The following LAMA2 variants were observed in gnomAD, a reference collection of about 807,000 sequenced individuals.
The protein encoded by LAMA2 is laminin subunit alpha 2.
In LAMA2, 269 loss-of-function variants were observed where a neutral mutation model predicts 364.8. The ratio of observed to expected loss-of-function variants is 0.74; its 90% CI spans 0.67 to 0.82. The LOEUF (loss-of-function observed/expected upper bound fraction) is 0.82. Among genes scored for constraint, LAMA2 ranks in the 40% least tolerant of loss-of-function variants. The pLI, the probability that LAMA2 is intolerant of heterozygous loss-of-function variation, is 0.00. For synonymous variants in LAMA2, 1,379 were observed against 1,370.6 expected (o/e 1.01, Z -0.14); for missense variants, 3,807 against 3,873.2 (o/e 0.98, Z 0.45).
At chr6:129,326,180 G>T (rs1583498734) in intron 28 of LAMA2, among the ~76,000 whole-genome samples, 1 of 152,110 alleles carries the variant, frequency 6.6e-6, no homozygotes, top group East Asian at 1.9e-4. Flanking sequence ...ACACAACAGA[G>T]AATAAGGAGC....
intron 33 of LAMA2, among the ~76,000 whole-genome samples, chr6:129,367,054 G>A (rs1003955300): frequency 6.6e-6 from 1 of 152,206 alleles, no homozygotes; most frequent in Non-Finnish European, 1.5e-5. Context: ...TCATCAAAAT[G>A]AAAACACATG....
chr6:129,028,256 TGTAA>T (rs1437990244), intron 1 of LAMA2, among the ~76,000 whole-genome samples: 7 of 151,894 alleles, frequency 4.6e-5, no homozygotes, highest in Non-Finnish European at 8.9e-5. Flanking sequence ...CACTCTGCTG[TGTAA>T]GTTTTTCTAA....
At chr6:129,175,088 T>C (rs1780487470) in intron 9 of LAMA2, among the ~76,000 whole-genome samples, 1 of 152,164 alleles carries the variant, frequency 6.6e-6, no homozygotes, top group Admixed American at 6.5e-5. Flanking sequence ...TATTTCCCAT[T>C]TGGTCTATTG....
chr6:129,170,665 G>A (rs1473428802), intron 9 of LAMA2, among the ~76,000 whole-genome samples: 1 of 151,962 alleles, frequency 6.6e-6, no homozygotes, highest in African/African-American at 2.4e-5. Context: ...GAGTTCTGTA[G>A]ATGTTTATTA....
At chr6:129,475,116 A>G (rs929762900) in intron 52 of LAMA2, among the ~76,000 whole-genome samples, 1 of 152,120 alleles carries the variant, frequency 6.6e-6, no homozygotes, top group Admixed American at 6.6e-5. Context: ...TAGATTGATA[A>G]GAACAAGTAC....
rs879378342 is a variant in LAMA2, at chr6:129,512,371, T to C, written c.8866T>C (p.Phe2956Leu). 29 of 1,613,602 alleles carry C rather than the reference T, an allele frequency of 1.8e-5. No homozygotes were observed. Among genetic ancestry groups the C allele is most frequent in the Non-Finnish European group, 2.3e-5 (27 of 1,179,588 alleles). The change falls in exon 63 of 65, where the codon TTC becomes CTC. Residue 2956 changes from phenylalanine to leucine, a missense_variant. Physicochemically the swap from Phe to Leu is conservative, Grantham distance 22. Around this residue, in one of 3 missense-constraint regions of LAMA2, gnomAD observed 3,333 missense variants for 3,345.7 expected, o/e 1.00. Transcript: ENST00000421865. ...AAATCTTCATTTTACAGTTGGTGGATTCAAAGTGGGATTGGACCTTCTTGT... is the reference window on the plus strand; with the variant it reads ...AAATCTTCATTTTACAGTTGGTGGACTCAAAGTGGGATTGGACCTTCTTGT... ...GTGFAKAVGG[F>L]KVGLDLLVEF...
intron 63 of LAMA2, among the ~76,000 whole-genome samples, chr6:129,513,987 C>A (rs761840736): frequency 6.6e-6 from 1 of 152,178 alleles, no homozygotes; most frequent in African/African-American, 2.4e-5. Context: ...TAAACAATAT[C>A]TTTTAAGAAA....
intron 45 of LAMA2, among the ~76,000 whole-genome samples, chr6:129,448,446 AT>A (rs1187926842): frequency 6.6e-6 from 1 of 152,160 alleles, no homozygotes; most frequent in Non-Finnish European, 1.5e-5. Flanking sequence ...CAAGTAGCCA[AT>A]TTTTTTCCAA....
intron 3 of LAMA2, among the ~76,000 whole-genome samples, chr6:129,080,055 A>G (rs114443305): frequency 2.0e-3 from 301 of 152,256 alleles, no homozygotes; most frequent in African/African-American, 7.0e-3. Context: ...TGGAATTACA[A>G]TAGACACATT....
At chr6:129,095,071 T>C (rs1775087075) in intron 3 of LAMA2, among the ~76,000 whole-genome samples, 1 of 152,246 alleles carries the variant, frequency 6.6e-6, no homozygotes, top group South Asian at 2.1e-4. Flanking sequence ...ATGCCCACCA[T>C]TTCAGAAGAA....
At chr6:129,454,121 T>C in intron 46 of LAMA2, 34 bp from the exon 47 acceptor site, 1 of 1,600,610 alleles carries the variant, frequency 6.2e-7, no homozygotes, top group African/African-American at 1.3e-5. Flanking sequence ...GCTTTATATC[T>C]GATATCTCTT....
At chr6:128,934,458 A>C (rs886990097) in intron 1 of LAMA2, among the ~76,000 whole-genome samples, 1 of 151,804 alleles carries the variant, frequency 6.6e-6, no homozygotes, top group Non-Finnish European at 1.5e-5. Flanking sequence ...TAAAATTCTT[A>C]TTCTTTTTTT....
At chr6:129,409,425 C>A (rs1780412384) in intron 40 of LAMA2, among the ~76,000 whole-genome samples, 1 of 152,180 alleles carries the variant, frequency 6.6e-6, no homozygotes, top group Admixed American at 6.5e-5. Context: ...TTAGGACTGG[C>A]TCGAGCCTGA....
chr6:128,905,153 G>T (rs915235791), intron 1 of LAMA2, among the ~76,000 whole-genome samples: 3 of 152,088 alleles, frequency 2.0e-5, no homozygotes, highest in Non-Finnish European at 4.4e-5. Context: ...TATTATAACT[G>T]CTAAACAACA....
intron 3 of LAMA2, among the ~76,000 whole-genome samples, chr6:129,088,149 C>G (rs9492227): frequency 0.91 from 87,856 of 96,254 alleles, 40,432 homozygotes; most frequent in East Asian, 0.96. Flanking sequence ...CATCTTGTAC[C>G]GCCCTTAATC....
chr6:129,135,546 A>G (rs994649227), intron 4 of LAMA2, among the ~76,000 whole-genome samples: 3 of 152,230 alleles, frequency 2.0e-5, no homozygotes, highest in African/African-American at 7.2e-5. Flanking sequence ...GTTTTTGTGT[A>G]CAAGATCTTG....
intron 22 of LAMA2, among the ~76,000 whole-genome samples, chr6:129,303,335 G>T (rs532620092): frequency 3.3e-5 from 5 of 151,858 alleles, no homozygotes; most frequent in Non-Finnish European, 7.4e-5. Context: ...GTTTCTTTTT[G>T]GTCCATTTAG....
intron 41 of LAMA2, among the ~76,000 whole-genome samples, chr6:129,438,397 T>A (rs1474451632): frequency 3.9e-5 from 6 of 151,916 alleles, no homozygotes; most frequent in Admixed American, 3.9e-4. Flanking sequence ...TTAAGTCAGA[T>A]AAAGATCAGA....
At chr6:129,253,832 G>A (rs1014983278) in intron 14 of LAMA2, among the ~76,000 whole-genome samples, 9 of 152,240 alleles carry the variant, frequency 5.9e-5, no homozygotes, top group South Asian at 4.1e-4. Context: ...CTGAGGTTTC[G>A]CCATACAGGA....
Sources: allele counts gnomAD v4.1 joint callset (sites outside exome capture counted in the v4.1 genomes callset), GRCh38; gene constraint gnomAD v4.1.1; regional missense constraint gnomAD v4.1.1; transcripts MANE v1.5; gene names NCBI Gene and HGNC (gene_info 2026-07-23, HGNC 2026-07-21).